MAP2: variants seen among roughly 807,000 people sequenced by gnomAD.
MAP2 encodes the protein microtubule associated protein 2.
In MAP2, 14 loss-of-function variants were observed where a neutral mutation model predicts 137.6. That is an observed-to-expected ratio of 0.10 (90% CI 0.07 to 0.16). The LOEUF (loss-of-function observed/expected upper bound fraction) is 0.16, where lower values mean the gene tolerates loss of function less well. Ranked by LOEUF, MAP2 falls within the 10% of genes least tolerant of loss-of-function variation. The pLI is 1.00. For synonymous variants in MAP2, 786 were observed against 782.3 expected (o/e 1.00, Z -0.08); for missense variants, 2,088 against 2,191.5 (o/e 0.95, Z 0.94).
intron 13 of MAP2, among the ~76,000 whole-genome samples, chr2:209,716,554 GC>G (rs1343795573): frequency 6.6e-6 from 1 of 152,140 alleles, no homozygotes; most frequent in East Asian, 1.9e-4. Context: ...TAGCTCATCA[GC>G]TATGATTAGT....
chr2:209,695,200 ATCC>A lies in MAP2; in HGVS notation c.3033_3035del (p.Ser1012del). 1.9e-6 allele frequency: 3 copies of A among 1,614,202 alleles called. No homozygotes were observed. The highest frequency in any genetic ancestry group is 3.3e-4 in the Middle Eastern group (2 of 6,060). On this transcript the variant is annotated inframe_deletion, in exon 8 of 16. Coordinates refer to ENST00000682079, the MANE Select transcript of MAP2 (RefSeq NM_001375505.1). ...AAGATTTGTCAATACCAACAGATGC[ATCC>A]TCTGAGAAAGCAGAGAAGGGTCTTA...
At chr2:209,705,791 C>T (rs777744648) in intron 12 of MAP2, 64 bp downstream of exon 12, 11 of 1,270,776 alleles carry the variant, frequency 8.7e-6, no homozygotes, top group East Asian at 4.8e-5. Context: ...TGGAATAGCA[C>T]TTATATTTAT....
intron 2 of MAP2, among the ~76,000 whole-genome samples, chr2:209,551,306 C>T (rs575092583): frequency 2.6e-5 from 4 of 152,242 alleles, no homozygotes; most frequent in East Asian, 3.9e-4. Flanking sequence ...ACTTCTTCCT[C>T]ACTTTTTATT....
At chr2:209,685,437 G>A (rs1211983422) in intron 7 of MAP2, among the ~76,000 whole-genome samples, 1 of 152,040 alleles carries the variant, frequency 6.6e-6, no homozygotes, top group Admixed American at 6.6e-5. Context: ...AAAATCAAGT[G>A]CCCTGTTTGG....
intron 2 of MAP2, among the ~76,000 whole-genome samples, chr2:209,530,307 C>A (rs1159653821): frequency 1.3e-5 from 2 of 152,112 alleles, no homozygotes; most frequent in African/African-American, 2.4e-5. Context: ...TCGTACTTTG[C>A]TATATAGATG....
chr2:209,612,448 T>C (rs192194304), intron 3 of MAP2, among the ~76,000 whole-genome samples: 259 of 152,314 alleles, frequency 1.7e-3, no homozygotes, highest in African/African-American at 6.0e-3. Context: ...TATGAAAAAA[T>C]GGTTTTAATT....
chr2:209,454,642 A>T (rs1399297196), intron 1 of MAP2, among the ~76,000 whole-genome samples: 1 of 152,194 alleles, frequency 6.6e-6, no homozygotes, highest in Non-Finnish European at 1.5e-5. Flanking sequence ...TGTCCTAAAT[A>T]CTGAATATCT....
chr2:209,562,389 C>T (rs2072331180), intron 2 of MAP2, among the ~76,000 whole-genome samples: 1 of 148,162 alleles, frequency 6.7e-6, no homozygotes, highest in Non-Finnish European at 1.5e-5. Flanking sequence ...GGGGGTGTCT[C>T]CAGCTTGAAA....
chr2:209,677,032 TA>T (rs1275921910), intron 5 of MAP2, among the ~76,000 whole-genome samples: 1 of 151,522 alleles, frequency 6.6e-6, no homozygotes, highest in Non-Finnish European at 1.5e-5. Context: ...CTTTCCCATT[TA>T]AAAAAACATC....
chr2:209,516,753 T>C (rs7565225), intron 2 of MAP2, among the ~76,000 whole-genome samples: 34,208 of 152,002 alleles, frequency 0.23, 5,198 homozygotes, highest in African/African-American at 0.43. Context: ...CTGGCTACAC[T>C]ATCACAGGGG....
intron 12 of MAP2, among the ~76,000 whole-genome samples, 169 bp from the exon 13 acceptor site, chr2:209,709,745 C>A (rs754115827): frequency 6.6e-6 from 1 of 152,028 alleles, no homozygotes; most frequent in Non-Finnish European, 1.5e-5. Context: ...GGGTTATGCA[C>A]CTGATTTCAG....
At chr2:209,561,520 A>G (rs935584675) in intron 2 of MAP2, among the ~76,000 whole-genome samples, 2 of 152,208 alleles carry the variant, frequency 1.3e-5, no homozygotes, top group African/African-American at 4.8e-5. Context: ...CGACCTGCTC[A>G]CCTATAAAAT....
intron 3 of MAP2, among the ~76,000 whole-genome samples, chr2:209,601,739 G>C (rs2083066437): frequency 6.6e-6 from 1 of 152,104 alleles, no homozygotes; most frequent in African/African-American, 2.4e-5. Context: ...GAATCACATG[G>C]GTTGGCAGTG....
chr2:209,693,250 T>A lies in MAP2; in HGVS notation c.1080T>A (p.Ala360=). 6.2e-7 allele frequency: 1 copy of A among 1,614,034 alleles called. No homozygotes were observed. The highest frequency in any genetic ancestry group is 8.5e-7 in the Non-Finnish European group (1 of 1,179,992). The part of the protein sequence containing the change: ...KKSLQQTSGP[A]TAKDSFKIEE... ...CTCTGCAACAAACCAGTGGCCCAGC[T>A]ACTGCCAAAGATAGTTTTAAAATTG... Residue 360 remains alanine, a synonymous_variant, in exon 8 of 16, where the codon GCT becomes GCA. Coordinates refer to ENST00000682079, the MANE Select transcript of MAP2 (RefSeq NM_001375505.1).
At chr2:209,506,969 G>T (rs2061149219) in intron 1 of MAP2, among the ~76,000 whole-genome samples, 1 of 152,142 alleles carries the variant, frequency 6.6e-6, no homozygotes, top group Non-Finnish European at 1.5e-5. Context: ...GTTTTGCTGA[G>T]GTCCTGCTTC....
chr2:209,662,706 G>T (rs925042586), intron 5 of MAP2, among the ~76,000 whole-genome samples: 1 of 151,872 alleles, frequency 6.6e-6, no homozygotes, highest in Non-Finnish European at 1.5e-5. Context: ...TTAGCAAACA[G>T]ATGAAAGTAA....
intron 7 of MAP2, among the ~76,000 whole-genome samples, chr2:209,691,310 A>G (rs371242345): frequency 1.3e-5 from 2 of 152,156 alleles, no homozygotes; most frequent in Non-Finnish European, 2.9e-5. Flanking sequence ...GAAATGTGCT[A>G]TATTTTTTAT....
chr2:209,518,466 A>G (rs1205777583), intron 2 of MAP2, among the ~76,000 whole-genome samples: 1 of 152,128 alleles, frequency 6.6e-6, no homozygotes, highest in African/African-American at 2.4e-5. Context: ...AAAGGGGTCT[A>G]TGGAAACCAA....
intron 4 of MAP2, among the ~76,000 whole-genome samples, chr2:209,642,597 A>T (rs1261418988): frequency 4.6e-5 from 7 of 152,092 alleles, no homozygotes; most frequent in Admixed American, 3.9e-4. Context: ...ATTACGTGTT[A>T]TGCACCCACC....
Sources: allele counts gnomAD v4.1 joint callset (sites outside exome capture counted in the v4.1 genomes callset), GRCh38; gene constraint gnomAD v4.1.1; transcripts MANE v1.5; gene names NCBI Gene and HGNC (gene_info 2026-07-23, HGNC 2026-07-21).